Variants in NDRG4 observed in about 807,000 individuals in gnomAD.
NDRG4 encodes protein NDRG4.
In NDRG4, 38 loss-of-function variants were observed where a neutral mutation model predicts 55.8. The observed-to-expected ratio is 0.68, with a 90% CI of 0.53 to 0.89. The LOEUF is 0.89. Ranked by LOEUF, NDRG4 falls within the 40% of genes least tolerant of loss-of-function variation. NDRG4 has a pLI of 0.00. For missense variants in NDRG4, 455 were observed against 468.6 expected (o/e 0.97, Z 0.27); for synonymous variants, 190 against 182.7 (o/e 1.04, Z -0.32).
chr16:58,510,102 T>C (rs2038610180), intron 13 of NDRG4, among the ~76,000 whole-genome samples: 1 of 152,104 alleles, frequency 6.6e-6, no homozygotes, highest in Non-Finnish European at 1.5e-5. Context: ...TGGAGCTATC[T>C]CCAGGGCAAA....
intron 5 of NDRG4, among the ~76,000 whole-genome samples, chr16:58,505,777 A>G (rs960112890): frequency 3.4e-5 from 4 of 116,976 alleles, no homozygotes; most frequent in Non-Finnish European, 6.3e-5. Context: ...GCTGGAGTGC[A>G]GTGGCATGAT....
intron 13 of NDRG4, among the ~76,000 whole-genome samples, chr16:58,510,367 T>C (rs1452254259): frequency 1.3e-5 from 2 of 152,198 alleles, no homozygotes; most frequent in Non-Finnish European, 2.9e-5. Context: ...TCCCCCATTC[T>C]GTATGCAGGA....
intron 1 of NDRG4, among the ~76,000 whole-genome samples, chr16:58,473,523 A>G (rs2033162485): frequency 6.6e-6 from 1 of 152,110 alleles, no homozygotes; most frequent in Non-Finnish European, 1.5e-5. Context: ...CAGGTCTAAA[A>G]CCACACCCCT....
intron 5 of NDRG4, among the ~76,000 whole-genome samples, chr16:58,505,713 C>CTTTTTTTTTT (rs1028370131): frequency 3.4e-5 from 2 of 58,634 alleles, no homozygotes; most frequent in African/African-American, 1.5e-4. Flanking sequence ...GCTTCATTTT[C>CTTTTTTTTTT]TTTTTTTTTT....
Position 58,464,806 on chromosome 16 carries a change from C to T in NDRG4, c.-24+1009C>T, listed in dbSNP as rs2031255188. 2 of 1,268,332 alleles carry T rather than the reference C, an allele frequency of 1.6e-6. No homozygotes were observed. The highest frequency in any genetic ancestry group is 2.0e-5 in the South Asian group (1 of 49,732). The allele number at this position is 1,268,332 out of a possible 1,614,324, so 78.6% of individuals were successfully genotyped here. On this transcript the variant is annotated intron_variant, in intron 1 of 15. Coordinates refer to the NDRG4 transcript ENST00000258187. This position sits in a 1 kb window ranked among gnomAD's most constrained non-coding sequence, Gnocchi z 4.8. ...GTCGCTTGTCCCCTAAGAAAGGACC[C>T]GTGGGCTTCTGGCAGGACCCGCGCC...
intron 2 of NDRG4, among the ~76,000 whole-genome samples, chr16:58,491,183 G>A (rs1451417933): frequency 6.6e-6 from 1 of 151,886 alleles, no homozygotes. Context: ...GGCTGAGGCA[G>A]GAGAATCACT....
intron 1 of NDRG4, among the ~76,000 whole-genome samples, chr16:58,478,367 C>A (rs930393256): frequency 6.9e-6 from 1 of 145,744 alleles, no homozygotes; most frequent in South Asian, 2.2e-4. Flanking sequence ...CCAGCCTGGG[C>A]GACAATATGA....
At position 58,512,285 on chromosome 16, in the gene NDRG4, C is replaced by T. The variant is rs911065713; in HGVS notation, c.*709C>T. ...CCCTGTCCCAATTCTGAGCCAAGGC[C>T]TCCCCGAGGCAGAAGTTGCCTGGTC... On this transcript the variant is annotated 3_prime_UTR_variant, in exon 15 of 15. Coordinates refer to ENST00000570248, the MANE Select transcript of NDRG4 (RefSeq NM_001242835.2). 5.7e-6 allele frequency: 2 copies of T among 352,822 alleles called. No individual in the cohort carries two copies. Among genetic ancestry groups the T allele is most frequent in the South Asian group, 2.1e-5 (1 of 48,170 alleles). 21.9% of individuals were successfully genotyped at this position (352,822 alleles called of 1,614,324 possible).
upstream of NDRG4, among the ~76,000 whole-genome samples, chr16:58,496,395 A>C (rs2036415283): frequency 6.6e-6 from 1 of 152,080 alleles, no homozygotes; most frequent in Non-Finnish European, 1.5e-5. Flanking sequence ...CACTCCTGTC[A>C]CACCACATGG....
intron 1 of NDRG4, among the ~76,000 whole-genome samples, chr16:58,470,379 AGG>A (rs1456330170): frequency 6.6e-6 from 1 of 152,178 alleles, no homozygotes; most frequent in African/African-American, 2.4e-5. Flanking sequence ...TTGAAGTCTA[AGG>A]AGGAGGAACC....
At chr16:58,497,263 A>T (rs2036514422), upstream of NDRG4, among the ~76,000 whole-genome samples, 1 of 152,176 alleles carries the variant, frequency 6.6e-6, no homozygotes, top group Admixed American at 6.5e-5. Flanking sequence ...CGGAGGTTGC[A>T]GTGAGCAGAG....
intron 1 of NDRG4, 54 bp downstream of exon 1, chr16:58,500,323 ATGACC>A (rs1333670785): frequency 1.7e-5 from 26 of 1,528,682 alleles, no homozygotes; most frequent in Non-Finnish European, 2.3e-5. Flanking sequence ...GTGCATCCTT[ATGACC>A]CACCGCAGGG....
chr16:58,511,759 C>A lies in NDRG4; in HGVS notation c.*183C>A. On this transcript the variant is annotated 3_prime_UTR_variant, in exon 15 of 15. Transcript: ENST00000570248. ...CTCCAGGTGTTTTAAGGGGCTCAGT[C>A]CTCCTCATCCCATCTCACTCTCCGT... is the stretch of plus-strand genomic sequence containing the variant. 1.4e-6 allele frequency: 1 copy of A among 734,924 alleles called. No homozygotes were observed. 45.5% of individuals were successfully genotyped at this position (734,924 alleles called of 1,614,324 possible).
At chr16:58,480,308 A>G (rs1270519474) in intron 1 of NDRG4, among the ~76,000 whole-genome samples, 4 of 152,104 alleles carry the variant, frequency 2.6e-5, no homozygotes, top group Non-Finnish European at 5.9e-5. Context: ...TTTAGTAGAA[A>G]CAGGGTTTCA....
At chr16:58,484,883 CTTTTTTT>C (rs572251728) in intron 1 of NDRG4, among the ~76,000 whole-genome samples, 17 of 133,878 alleles carry the variant, frequency 1.3e-4, no homozygotes, top group African/African-American at 3.7e-4. Flanking sequence ...TCATAACTTA[CTTTTTTT>C]TTTTTTTTTT....
intron 2 of NDRG4, among the ~76,000 whole-genome samples, chr16:58,491,249 C>G (rs2035752190): frequency 6.6e-6 from 1 of 152,042 alleles, no homozygotes; most frequent in South Asian, 2.1e-4. Flanking sequence ...GCACTCCAGC[C>G]TGGGAGACAG....
At chr16:58,480,869 G>A (rs575325157) in intron 1 of NDRG4, among the ~76,000 whole-genome samples, 3 of 152,236 alleles carry the variant, frequency 2.0e-5, no homozygotes, top group East Asian at 1.9e-4. Context: ...TTAGCTGGGC[G>A]TGGTGGCAGA....
chr16:58,475,906 C>G (rs182803401), intron 1 of NDRG4, among the ~76,000 whole-genome samples: 1 of 152,140 alleles, frequency 6.6e-6, no homozygotes, highest in Admixed American at 6.5e-5. Flanking sequence ...AAGTGATTCT[C>G]CTGCCTCAGC....
rs201911487 is a variant in NDRG4, at chr16:58,509,288, C to T, written c.814-13C>T. On this transcript the variant is annotated splice_polypyrimidine_tract_variant and intron_variant, in intron 12 of 14. Coordinates refer to ENST00000570248, the MANE Select transcript of NDRG4 (RefSeq NM_001242835.2). The stretch of plus-strand genomic sequence containing the variant: ...CAGCCAATGAAAGCATGTGCTTGTC[C>T]TGCCCTCCGCAGCCAGGGAAGCTGA... 2,924 of 1,614,052 alleles carry T rather than the reference C, an allele frequency of 1.8e-3. 5 individuals are homozygous for T. Among genetic ancestry groups the T allele is most frequent in the Middle Eastern group, 7.4e-3 (45 of 6,062 alleles).
Sources: gnomAD v4.1 joint callset for allele counts (sites outside exome capture counted in the v4.1 genomes callset) on GRCh38, gnomAD v4.1.1 for gene constraint, Gnocchi (gnomAD v3.1) non-coding constraint, MANE v1.5 for transcripts, NCBI Gene and HGNC (gene_info 2026-07-23, HGNC 2026-07-21) for gene names.